The following UCK2 variants were observed in gnomAD, a reference collection of about 807,000 sequenced individuals.
UCK2 encodes uridine-cytidine kinase 2.
Under a neutral mutation model 30.8 loss-of-function variants are expected in UCK2, and 6 were observed. That is an observed-to-expected ratio of 0.19 (90% CI 0.11 to 0.38). The LOEUF is 0.38. Ranked by LOEUF, UCK2 falls within the 10% of genes least tolerant of loss-of-function variation. The pLI, the probability that UCK2 is intolerant of heterozygous loss-of-function variation, is 1.00. For missense variants in UCK2, 210 were observed against 339.8 expected (o/e 0.62, Z 3.00); for synonymous variants, 125 against 133.6 (o/e 0.94, Z 0.45).
intron 1 of UCK2, among the ~76,000 whole-genome samples, chr1:165,888,544 C>T (rs181815932): frequency 1.6e-3 from 249 of 152,100 alleles, no homozygotes; most frequent in African/African-American, 5.8e-3. Context: ...CCACCTTGGC[C>T]TCTTAAACTG....
intron 1 of UCK2, among the ~76,000 whole-genome samples, chr1:165,855,545 G>C (rs1401067717): frequency 7.5e-6 from 1 of 134,104 alleles, no homozygotes; most frequent in African/African-American, 2.8e-5. Flanking sequence ...AGCTCCTTCT[G>C]TCTGGGCTGA....
intron 1 of UCK2, among the ~76,000 whole-genome samples, chr1:165,867,836 C>T (rs1488015253): frequency 6.6e-6 from 1 of 152,200 alleles, no homozygotes; most frequent in Admixed American, 6.5e-5. Flanking sequence ...GATATTTTCA[C>T]CTCCTCCAAT....
chr1:165,904,533 A>T (rs1314516816), intron 5 of UCK2, among the ~76,000 whole-genome samples: 3 of 152,258 alleles, frequency 2.0e-5, no homozygotes, highest in African/African-American at 7.2e-5. Flanking sequence ...AGTCATATTT[A>T]ACTGTCAGTT....
At chr1:165,832,657 G>A (rs1654080122) in intron 1 of UCK2, among the ~76,000 whole-genome samples, 1 of 152,032 alleles carries the variant, frequency 6.6e-6, no homozygotes, top group African/African-American at 2.4e-5. Flanking sequence ...CACCCAGGCT[G>A]GAGTGCAGGG....
At chr1:165,847,423 G>A (rs1654479765) in intron 1 of UCK2, among the ~76,000 whole-genome samples, 3 of 152,170 alleles carry the variant, frequency 2.0e-5, no homozygotes, top group South Asian at 2.1e-4. Flanking sequence ...GTAACCAAAA[G>A]TCAGTAGTCC....
chr1:165,858,340 A>G (rs1430130881), intron 1 of UCK2, among the ~76,000 whole-genome samples: 1 of 152,164 alleles, frequency 6.6e-6, no homozygotes, highest in African/African-American at 2.4e-5. Flanking sequence ...CAACCTCTTC[A>G]TGCCCTGTGC....
chr1:165,886,827 A>G (rs902231273), intron 1 of UCK2, among the ~76,000 whole-genome samples: 40 of 152,218 alleles, frequency 2.6e-4, no homozygotes, highest in Admixed American at 7.2e-4. Context: ...CTACACAACA[A>G]TAGAGAGGAT....
chr1:165,837,436 G>A (rs189859676), intron 1 of UCK2, among the ~76,000 whole-genome samples: 2 of 152,252 alleles, frequency 1.3e-5, no homozygotes, highest in African/African-American at 4.8e-5. Flanking sequence ...ATCCCCTGCC[G>A]TTTGCTAACA....
At chr1:165,859,982 G>A (rs556395377) in intron 1 of UCK2, among the ~76,000 whole-genome samples, 2 of 152,280 alleles carry the variant, frequency 1.3e-5, no homozygotes, top group South Asian at 4.1e-4. Context: ...CCTTGTGCGG[G>A]ACCAGTCTTT....
intron 1 of UCK2, among the ~76,000 whole-genome samples, chr1:165,834,501 A>G (rs1654138417): frequency 6.6e-6 from 1 of 152,172 alleles, no homozygotes; most frequent in Admixed American, 6.5e-5. Context: ...TAGACAATTT[A>G]ATAGAATAAC....
chr1:165,874,117 C>G (rs1305448730), intron 1 of UCK2, among the ~76,000 whole-genome samples: 1 of 152,192 alleles, frequency 6.6e-6, no homozygotes, highest in East Asian at 1.9e-4. Flanking sequence ...GAATTTACTT[C>G]TCTACTACTT....
At chr1:165,855,812 A>T (rs1654729644) in intron 1 of UCK2, among the ~76,000 whole-genome samples, 1 of 152,142 alleles carries the variant, frequency 6.6e-6, no homozygotes, top group Non-Finnish European at 1.5e-5. Context: ...GGCCCTCTGG[A>T]GAGTTGGAAC....
intron 1 of UCK2, among the ~76,000 whole-genome samples, chr1:165,862,442 C>T (rs1298722989): frequency 1.3e-5 from 2 of 152,190 alleles, no homozygotes; most frequent in South Asian, 2.1e-4. Flanking sequence ...GGTGTAAAAA[C>T]CCCATCTGCC....
At chr1:165,859,076 G>C (rs1477137208) in intron 1 of UCK2, among the ~76,000 whole-genome samples, 1 of 152,144 alleles carries the variant, frequency 6.6e-6, no homozygotes, top group African/African-American at 2.4e-5. Flanking sequence ...ACAGTTCACT[G>C]AGTTGCAACG....
chr1:165,856,319 A>G (rs1191466490), intron 1 of UCK2, among the ~76,000 whole-genome samples: 3 of 152,006 alleles, frequency 2.0e-5, no homozygotes, highest in Admixed American at 1.3e-4. Context: ...AAATTATGGT[A>G]CTAAGTACCG....
intron 3 of UCK2, chr1:165,895,974 C>T: frequency 3.6e-6 from 2 of 557,300 alleles, no homozygotes; most frequent in Non-Finnish European, 6.2e-6. Context: ...CAGAAGTGGT[C>T]AAAGGAGACC....
chr1:165,901,843 G>A (rs1647477806), intron 4 of UCK2, among the ~76,000 whole-genome samples: 1 of 151,582 alleles, frequency 6.6e-6, no homozygotes, highest in Admixed American at 6.6e-5. Flanking sequence ...AAGAGTGTAT[G>A]GGCTGCCTAT....
At chr1:165,832,160 CTTTAG>C (rs1654065062) in intron 1 of UCK2, among the ~76,000 whole-genome samples, 5 of 152,148 alleles carry the variant, frequency 3.3e-5, no homozygotes, top group African/African-American at 2.4e-5. Context: ...TTGTAATGGC[CTTTAG>C]TCTTTTTAAG....
chr1:165,880,468 G>A (rs1244140943), intron 1 of UCK2, among the ~76,000 whole-genome samples: 1 of 152,018 alleles, frequency 6.6e-6, no homozygotes, highest in Non-Finnish European at 1.5e-5. Context: ...TAGTCTTCCA[G>A]CAGGTCTCCT....
Sources: allele counts gnomAD v4.1 joint callset (sites outside exome capture counted in the v4.1 genomes callset), GRCh38; gene constraint gnomAD v4.1.1; transcripts MANE v1.5; gene names NCBI Gene and HGNC (gene_info 2026-07-23, HGNC 2026-07-21).